Variants in R3HDM2 observed in about 807,000 individuals in gnomAD.
The protein encoded by R3HDM2 is R3H domain-containing protein 2.
R3HDM2 carries 38 observed loss-of-function variants against 124.5 expected under a neutral mutation model. That is an observed-to-expected ratio of 0.31 (90% CI 0.24 to 0.40). The LOEUF is 0.40. Among genes scored for constraint, R3HDM2 ranks in the 10% least tolerant of loss-of-function variants. The probability of loss-of-function intolerance (pLI) is 1.00; values close to 1 mark genes in which losing one functional copy is unlikely to be tolerated. For synonymous variants in R3HDM2, 391 were observed against 448.0 expected (o/e 0.87, Z 1.61); for missense variants, 869 against 1,236.9 (o/e 0.70, Z 4.46).
At chr12:57,257,937 A>T in intron 21 of R3HDM2, 53 bp downstream of exon 21, 2 of 1,398,420 alleles carry the variant, frequency 1.4e-6, no homozygotes, top group Non-Finnish European at 1.9e-6. Flanking sequence ...GCAATTGGGA[A>T]TGGGATGTGA....
chr12:57,367,943 T>C (rs139922379), intron 2 of R3HDM2, among the ~76,000 whole-genome samples: 99 of 152,222 alleles, frequency 6.5e-4, no homozygotes, highest in African/African-American at 2.2e-3. Context: ...AATATATTTA[T>C]TTTATGTTCT....
At chr12:57,343,764 TAA>T (rs5798403) in intron 2 of R3HDM2, among the ~76,000 whole-genome samples, 1,234 of 111,630 alleles carry the variant, frequency 0.011, 12 homozygotes, top group African/African-American at 0.029. Flanking sequence ...TACAAAAGGT[TAA>T]AAAAAAAAAA....
In R3HDM2 at chr12:57,296,378, G is replaced by A. The variant is rs1192125787; in HGVS notation, c.701+33C>T. ...TTCCAACCCAGCAGGTTATCCCAGG[G>A]AAGTCTTCCCAAACCATGGTTTCCT... On this transcript the variant is annotated intron_variant, in intron 9 of 23. Coordinates refer to ENST00000402412, the MANE Select transcript of R3HDM2 (RefSeq NM_001394031.1). This position sits in a 1 kb window ranked among gnomAD's most constrained non-coding sequence, Gnocchi z 4.5. 1.3e-6 allele frequency: 2 copies of A among 1,550,402 alleles called. No homozygotes were observed. Among genetic ancestry groups the A allele is most frequent in the African/African-American group, 1.4e-5 (1 of 72,980 alleles).
chr12:57,397,688 CT>C (rs2067688257), intron 1 of R3HDM2, among the ~76,000 whole-genome samples: 1 of 152,276 alleles, frequency 6.6e-6, no homozygotes, highest in South Asian at 2.1e-4. Flanking sequence ...TTGTTCCCCC[CT>C]ATGCAAAATA....
rs181514885 is a variant in R3HDM2 at position 57,366,455 on chromosome 12, G to A, written c.-36+29294C>T. ...TCTCATCTCAGACACTGCAGTTTTC[G>A]TTTTTAAAAGTTAGATTTTGGTCAT... is the stretch of plus-strand genomic sequence containing the variant. On this transcript the variant is annotated intron_variant, in intron 2 of 23. Transcript: ENST00000402412. Among the ~76,000 whole-genome samples, 99 of 152,162 alleles carry A rather than the reference G, an allele frequency of 6.5e-4. 1 individual carries two copies. Among genetic ancestry groups the A allele is most frequent in the African/African-American group, 2.3e-3 (95 of 41,520 alleles).
At chr12:57,302,440 C>A (rs1190935326) in intron 4 of R3HDM2, among the ~76,000 whole-genome samples, 1 of 151,376 alleles carries the variant, frequency 6.6e-6, no homozygotes, top group African/African-American at 2.4e-5. Context: ...CCGAGGTGGG[C>A]AGATCACTTG....
At chr12:57,426,186 C>A (rs981732761) in intron 1 of R3HDM2, among the ~76,000 whole-genome samples, 6 of 152,024 alleles carry the variant, frequency 3.9e-5, no homozygotes, top group African/African-American at 1.4e-4. Flanking sequence ...CAAGATCACA[C>A]CATTGCACTC....
chr12:57,394,948 G>A (rs1010848941), intron 2 of R3HDM2, among the ~76,000 whole-genome samples: 1 of 152,120 alleles, frequency 6.6e-6, no homozygotes, highest in Non-Finnish European at 1.5e-5. Context: ...GGTGGCTCAC[G>A]CCTGTAAACC....
chr12:57,368,891 G>T (rs769835634), intron 2 of R3HDM2, among the ~76,000 whole-genome samples: 3 of 152,084 alleles, frequency 2.0e-5, no homozygotes, highest in African/African-American at 7.2e-5. Flanking sequence ...TTCCAAAAGT[G>T]GGGGGTGGAT....
intron 2 of R3HDM2, among the ~76,000 whole-genome samples, chr12:57,336,061 T>C (rs1309959909): frequency 6.6e-6 from 1 of 151,762 alleles, no homozygotes; most frequent in Non-Finnish European, 1.5e-5. Context: ...CATACCATAG[T>C]ATCTAATGGT....
rs535344349 is a variant in R3HDM2 at position 57,420,265 on chromosome 12, T to A, written c.-106+10455A>T. Among the ~76,000 whole-genome samples, 3 of 152,256 alleles carry A rather than the reference T, an allele frequency of 2.0e-5. No individual in the cohort carries two copies. In the South Asian group the frequency reaches 6.2e-4, roughly 32 times the overall value. ...CCTTGCACATTCCCTCTAATTACTG[T>A]CCTCTCTCTCCATCTCTTTGCAGTC... On this transcript the variant is annotated intron_variant, in intron 1 of 23. Transcript: ENST00000402412.
At chr12:57,394,792 T>C (rs1159473691) in intron 2 of R3HDM2, among the ~76,000 whole-genome samples, 2 of 152,346 alleles carry the variant, frequency 1.3e-5, no homozygotes, top group South Asian at 4.1e-4. Context: ...GAAGAAATCA[T>C]GAGATTTCTG....
chr12:57,358,080 G>C (rs2061494653), intron 2 of R3HDM2, among the ~76,000 whole-genome samples: 2 of 151,046 alleles, frequency 1.3e-5, no homozygotes, highest in South Asian at 4.2e-4. Context: ...CCAGATTCAA[G>C]CAATTCTCCT....
At chr12:57,320,609 G>T (rs576504129) in intron 2 of R3HDM2, among the ~76,000 whole-genome samples, 4 of 152,078 alleles carry the variant, frequency 2.6e-5, no homozygotes, top group Non-Finnish European at 5.9e-5. Flanking sequence ...GTGAGATGTC[G>T]GGGGAACAGG....
rs1036767082 is a variant in R3HDM2 at position 57,312,059 on chromosome 12, C to A, written c.-35-1596G>T. Among the ~76,000 whole-genome samples the A allele has an allele frequency of 5.3e-5, 8 of 152,350 alleles. 1 individual carries two copies. The Middle Eastern group carries it at 0.017, about 324-fold the overall frequency. On this transcript the variant is annotated intron_variant, in intron 2 of 23. Transcript: ENST00000402412. ...ACTGACTGTACTTCAACCCTGAAGA[C>A]TTCTTTCCCTCCTTTACTGGAAACT...
intron 2 of R3HDM2, among the ~76,000 whole-genome samples, chr12:57,363,419 C>A (rs1199829127): frequency 6.6e-6 from 1 of 152,064 alleles, no homozygotes; most frequent in Non-Finnish European, 1.5e-5. Flanking sequence ...TTAGAAACAA[C>A]TTCTGATTAA....
chr12:57,364,446 A>G (rs1283912408), intron 2 of R3HDM2, among the ~76,000 whole-genome samples: 1 of 152,040 alleles, frequency 6.6e-6, no homozygotes, highest in Non-Finnish European at 1.5e-5. Context: ...CACCACGCCT[A>G]GCCTACAGGC....
intron 2 of R3HDM2, among the ~76,000 whole-genome samples, chr12:57,336,890 C>T (rs910296563): frequency 3.3e-5 from 5 of 150,674 alleles, no homozygotes; most frequent in Non-Finnish European, 5.9e-5. Context: ...CTAATGTTTA[C>T]ATTACAAAAT....
At chr12:57,310,609 T>C in intron 2 of R3HDM2, 146 bp from the exon 3 acceptor site, 1 of 391,540 alleles carries the variant, frequency 2.6e-6, no homozygotes, top group Non-Finnish European at 4.3e-6. Context: ...GTCCCTGGGT[T>C]CATTTCTTTA....
Sources: allele counts gnomAD v4.1 joint callset (sites outside exome capture counted in the v4.1 genomes callset), GRCh38; gene constraint gnomAD v4.1.1; non-coding constraint Gnocchi (gnomAD v3.1); transcripts MANE v1.5; gene names NCBI Gene and HGNC (gene_info 2026-07-23, HGNC 2026-07-21).